The following RNF180 variants were observed in gnomAD, a reference collection of about 807,000 sequenced individuals.
RNF180 encodes the protein ring finger protein 180.
In RNF180, 38 loss-of-function variants were observed where a neutral mutation model predicts 59.2. The ratio of observed to expected loss-of-function variants is 0.64; its 90% CI spans 0.50 to 0.84. RNF180 has a LOEUF of 0.84. RNF180 is among the 40% of genes least tolerant of loss of function. The pLI is 0.00. For synonymous variants in RNF180, 262 were observed against 240.3 expected, an observed-to-expected ratio of 1.09 and a Z score of -0.84; for missense variants, 705 against 700.9, an observed-to-expected ratio of 1.01 and a Z score of -0.07.
At chr5:64,200,023 C>G (rs1419535197) in intron 1 of RNF180, among the ~76,000 whole-genome samples, 5 of 152,178 alleles carry the variant, frequency 3.3e-5, no homozygotes, top group Non-Finnish European at 5.9e-5. Flanking sequence ...AAGGTAGGCA[C>G]TTCCAATTTT....
intron 5 of RNF180, among the ~76,000 whole-genome samples, chr5:64,300,061 C>T (rs921315002): frequency 6.6e-6 from 1 of 151,574 alleles, no homozygotes; most frequent in African/African-American, 2.4e-5. Context: ...GTTCAGGTAA[C>T]CCTTATTTTA....
chr5:64,202,934 G>A (rs993888423), intron 2 of RNF180, among the ~76,000 whole-genome samples: 1 of 152,194 alleles, frequency 6.6e-6, no homozygotes, highest in Non-Finnish European at 1.5e-5. Flanking sequence ...TGGGCAATGA[G>A]GCTCCAGAGC....
At chr5:64,331,690 C>G (rs578079440) in intron 7 of RNF180, among the ~76,000 whole-genome samples, 1 of 152,174 alleles carries the variant, frequency 6.6e-6, no homozygotes, top group Non-Finnish European at 1.5e-5. Flanking sequence ...GACAAGAACT[C>G]AGGACCTGCT....
intron 1 of RNF180, among the ~76,000 whole-genome samples, chr5:64,177,389 C>A (rs1750294759): frequency 6.6e-6 from 1 of 151,786 alleles, no homozygotes; most frequent in Non-Finnish European, 1.5e-5. Context: ...TCCCTGACTC[C>A]CTAATTCTTG....
In RNF180 at chr5:64,325,263, T is replaced by C. The variant is rs1744576645; in HGVS notation, c.1305T>C (p.Cys435=). The part of the protein sequence containing the change: ...EEKDSYICAV[C]LDVYFNPYMC... ...AGGATAGCTACATCTGTGCAGTGTG[T>C]CTGGACGTTTATTTCAACCCTTATA... The change falls in exon 6 of 8, where the codon TGT becomes TGC. Residue 435 remains cysteine, a synonymous_variant. Coordinates refer to ENST00000389100, the MANE Select transcript of RNF180 (RefSeq NM_001113561.2). 1 of 1,551,346 alleles carries C rather than the reference T, an allele frequency of 6.4e-7. No homozygotes were observed. Among genetic ancestry groups the C allele is most frequent in the African/African-American group, 1.4e-5 (1 of 73,046 alleles).
intron 7 of RNF180, among the ~76,000 whole-genome samples, chr5:64,353,343 T>A (rs1457680309): frequency 6.6e-6 from 1 of 151,680 alleles, no homozygotes; most frequent in Non-Finnish European, 1.5e-5. Flanking sequence ...GCTATTAAAG[T>A]AAAACAAATA....
intron 5 of RNF180, among the ~76,000 whole-genome samples, chr5:64,308,997 T>C (rs1743616567): frequency 6.6e-6 from 1 of 151,740 alleles, no homozygotes; most frequent in Admixed American, 6.6e-5. Context: ...CCCTCTTCTT[T>C]TCTCATCCTT....
intron 5 of RNF180, among the ~76,000 whole-genome samples, chr5:64,264,169 T>C (rs1744520457): frequency 6.6e-6 from 1 of 152,312 alleles, no homozygotes; most frequent in African/African-American, 2.4e-5. Context: ...CCAATATACA[T>C]GTTCTTTGGC....
At chr5:64,196,214 A>G (rs1371268412) in intron 1 of RNF180, among the ~76,000 whole-genome samples, 1 of 151,832 alleles carries the variant, frequency 6.6e-6, no homozygotes. Flanking sequence ...CCCACCATTA[A>G]CGCTTTCGGA....
intron 7 of RNF180, among the ~76,000 whole-genome samples, chr5:64,354,232 A>G (rs2112589954): frequency 6.6e-6 from 1 of 151,944 alleles, no homozygotes; most frequent in South Asian, 2.1e-4. Flanking sequence ...TGACAAAGAT[A>G]AAAGAGAGAG....
At chr5:64,311,397 C>A (rs1743758059) in intron 5 of RNF180, among the ~76,000 whole-genome samples, 1 of 151,808 alleles carries the variant, frequency 6.6e-6, no homozygotes, top group African/African-American at 2.4e-5. Flanking sequence ...AAGTATAGTA[C>A]CCAATCCTTG....
At chr5:64,317,563 C>CATACATATAT (rs138547362) in intron 5 of RNF180, among the ~76,000 whole-genome samples, 41,638 of 147,406 alleles carry the variant, frequency 0.28, 6,135 homozygotes, top group African/African-American at 0.35. Flanking sequence ...CATATATACA[C>CATACATATAT]ATACATATAT....
At chr5:64,287,639 T>G (rs919720607) in intron 5 of RNF180, among the ~76,000 whole-genome samples, 7 of 152,244 alleles carry the variant, frequency 4.6e-5, no homozygotes, top group African/African-American at 1.7e-4. Context: ...TGCAATGGTA[T>G]CTCATTGTGG....
At chr5:64,246,761 T>G (rs1353530610) in intron 5 of RNF180, among the ~76,000 whole-genome samples, 2 of 152,190 alleles carry the variant, frequency 1.3e-5, no homozygotes, top group Non-Finnish European at 2.9e-5. Context: ...ACTCATTTTA[T>G]GGGGCCAGCA....
chr5:64,244,105 G>A (rs530945385), intron 5 of RNF180, among the ~76,000 whole-genome samples: 5 of 152,186 alleles, frequency 3.3e-5, no homozygotes, highest in East Asian at 1.9e-4. Context: ...CATCAAAACC[G>A]AAGGTAGATA....
intron 5 of RNF180, among the ~76,000 whole-genome samples, chr5:64,294,304 G>A (rs765128354): frequency 2.0e-5 from 3 of 152,118 alleles, no homozygotes; most frequent in African/African-American, 4.8e-5. Context: ...TCCATGATGT[G>A]CATATTTCAC....
At chr5:64,347,189 G>A (rs1433306520) in intron 7 of RNF180, among the ~76,000 whole-genome samples, 1 of 152,118 alleles carries the variant, frequency 6.6e-6, no homozygotes, top group Non-Finnish European at 1.5e-5. Flanking sequence ...AATATGCTGA[G>A]AACAACAGCA....
rs142347102 is a variant in RNF180 at position 64,275,697 on chromosome 5, A to T, written c.1228-49489A>T. ...TTTCTCCCTGGGTCTGGGTCCTAAG[A>T]TTCTAGTGCCTTTGAGTGCCAGTAT... On this transcript the variant is annotated intron_variant, in intron 5 of 7. Transcript: ENST00000389100. Among the ~76,000 whole-genome samples the T allele has an allele frequency of 1.3e-4, 20 of 152,034 alleles. No homozygotes were observed. The East Asian group carries it at 3.5e-3, about 27-fold the overall frequency.
At chr5:64,180,393 A>T (rs558849400) in intron 1 of RNF180, among the ~76,000 whole-genome samples, 1 of 152,346 alleles carries the variant, frequency 6.6e-6, no homozygotes, top group East Asian at 1.9e-4. Context: ...ACAATTGCTC[A>T]TTAAAATTTG....
Sources: gnomAD v4.1 joint callset for allele counts (sites outside exome capture counted in the v4.1 genomes callset) on GRCh38, gnomAD v4.1.1 for gene constraint, MANE v1.5 for transcripts, NCBI Gene and HGNC (gene_info 2026-07-23, HGNC 2026-07-21) for gene names.